FSTL5: variants seen among roughly 807,000 people sequenced by gnomAD.
FSTL5 encodes the protein follistatin like 5.
Under a neutral mutation model 89.1 loss-of-function variants are expected in FSTL5, and 62 were observed. That is an observed-to-expected ratio of 0.70 (90% CI 0.57 to 0.86). The LOEUF is 0.86. Among genes scored for constraint, FSTL5 ranks in the 40% least tolerant of loss-of-function variants. FSTL5 has a pLI of 0.00. For missense variants in FSTL5, 1,057 were observed against 1,001.6 expected (o/e 1.06, Z -0.75); for synonymous variants, 383 against 346.2 (o/e 1.11, Z -1.18).
intron 15 of FSTL5, among the ~76,000 whole-genome samples, chr4:161,447,000 C>A (rs1284327408): frequency 6.6e-6 from 1 of 151,840 alleles, no homozygotes; most frequent in Non-Finnish European, 1.5e-5. Context: ...ATTTGTATAC[C>A]ATAGCTGTCT....
chr4:161,850,308 C>T (rs1396000065), intron 4 of FSTL5, among the ~76,000 whole-genome samples: 2 of 151,990 alleles, frequency 1.3e-5, no homozygotes, highest in Non-Finnish European at 2.9e-5. Flanking sequence ...GTTGCAATGT[C>T]GAAAGGGAAG....
chr4:161,752,800 G>C (rs1205714427), intron 6 of FSTL5, among the ~76,000 whole-genome samples: 1 of 152,098 alleles, frequency 6.6e-6, no homozygotes, highest in Non-Finnish European at 1.5e-5. Context: ...CTAAAATAAC[G>C]TTAAGGTTTA....
chr4:161,631,077 T>C (rs1735488256), intron 7 of FSTL5, among the ~76,000 whole-genome samples: 1 of 152,224 alleles, frequency 6.6e-6, no homozygotes, highest in Non-Finnish European at 1.5e-5. Flanking sequence ...CATTTTTTTG[T>C]ATTGATTTAG....
intron 4 of FSTL5, among the ~76,000 whole-genome samples, chr4:161,834,329 A>G (rs1437288207): frequency 2.0e-5 from 3 of 152,094 alleles, no homozygotes; most frequent in Non-Finnish European, 4.4e-5. Context: ...TCTATGACAA[A>G]CCCACAGCCA....
chr4:161,438,222 A>AG (rs1560895177), intron 15 of FSTL5, among the ~76,000 whole-genome samples: 6 of 152,194 alleles, frequency 3.9e-5, no homozygotes, highest in African/African-American at 9.7e-5. Flanking sequence ...CTGTCTATAA[A>AG]AGTGAGATAA....
intron 3 of FSTL5, among the ~76,000 whole-genome samples, chr4:162,028,056 G>C (rs1053219831): frequency 6.6e-6 from 1 of 151,940 alleles, no homozygotes; most frequent in Admixed American, 6.6e-5. Flanking sequence ...AAACTTGTCT[G>C]ATGTTTATTC....
intron 14 of FSTL5, among the ~76,000 whole-genome samples, chr4:161,457,708 T>C (rs1182849142): frequency 6.6e-6 from 1 of 152,108 alleles, no homozygotes; most frequent in Non-Finnish European, 1.5e-5. Context: ...AATAGAGTAT[T>C]AAAATAATTT....
At chr4:161,398,062 G>A (rs1279746347) in intron 15 of FSTL5, among the ~76,000 whole-genome samples, 1 of 151,998 alleles carries the variant, frequency 6.6e-6, no homozygotes, top group Non-Finnish European at 1.5e-5. Flanking sequence ...TGGTAGAAAC[G>A]TAATTGTTTT....
chr4:161,485,328 T>C (rs1729640544), intron 12 of FSTL5, among the ~76,000 whole-genome samples: 1 of 152,220 alleles, frequency 6.6e-6, no homozygotes, highest in African/African-American at 2.4e-5. Flanking sequence ...AGACTTTAGT[T>C]TTCTGCTGTA....
intron 4 of FSTL5, among the ~76,000 whole-genome samples, chr4:161,892,410 A>G (rs1270665660): frequency 6.6e-6 from 1 of 152,058 alleles, no homozygotes; most frequent in African/African-American, 2.4e-5. Context: ...AATAAAACAG[A>G]GAAAAAGTTA....
intron 4 of FSTL5, among the ~76,000 whole-genome samples, chr4:161,909,514 C>T (rs552810518): frequency 1.4e-4 from 21 of 152,214 alleles, no homozygotes; most frequent in African/African-American, 4.3e-4. Context: ...TACACTACAC[C>T]AGCAGTCTTT....
At chr4:161,593,073 A>G (rs897161902) in intron 7 of FSTL5, among the ~76,000 whole-genome samples, 1 of 151,982 alleles carries the variant, frequency 6.6e-6, no homozygotes, top group Non-Finnish European at 1.5e-5. Flanking sequence ...TGGGTTTAGA[A>G]TTTTTCATGT....
chr4:162,113,824 C>T (rs536203321), intron 1 of FSTL5, among the ~76,000 whole-genome samples: 3 of 152,260 alleles, frequency 2.0e-5, no homozygotes, highest in Non-Finnish European at 2.9e-5. Context: ...GTTTTAGTTA[C>T]GCATTCCCAT....
At chr4:161,768,616 G>A (rs1741098719) in intron 5 of FSTL5, among the ~76,000 whole-genome samples, 1 of 151,844 alleles carries the variant, frequency 6.6e-6, no homozygotes. Context: ...TAAACCCACC[G>A]TCTATCTCTC....
At chr4:161,613,950 A>G (rs1426067408) in intron 7 of FSTL5, among the ~76,000 whole-genome samples, 2 of 150,192 alleles carry the variant, frequency 1.3e-5, no homozygotes, top group African/African-American at 4.8e-5. Flanking sequence ...TGTTTATTTT[A>G]TTTCGAATCA....
At chr4:161,838,813 C>A (rs892435583) in intron 4 of FSTL5, among the ~76,000 whole-genome samples, 7 of 151,860 alleles carry the variant, frequency 4.6e-5, no homozygotes, top group Non-Finnish European at 8.8e-5. Context: ...GAATACTCAT[C>A]AAAAGAAACC....
intron 6 of FSTL5, among the ~76,000 whole-genome samples, chr4:161,737,337 A>G (rs551376988): frequency 6.6e-6 from 1 of 152,180 alleles, no homozygotes; most frequent in East Asian, 1.9e-4. Flanking sequence ...ACTGAGGAAT[A>G]TACATGCAAT....
At chr4:161,535,196 C>A (rs958404000) in intron 10 of FSTL5, among the ~76,000 whole-genome samples, 1 of 151,854 alleles carries the variant, frequency 6.6e-6, no homozygotes, top group Admixed American at 6.6e-5. Flanking sequence ...CAAAAGCAAT[C>A]GCAACAGAAT....
chr4:161,571,962 A>G (rs909503803), intron 8 of FSTL5, among the ~76,000 whole-genome samples: 3 of 152,170 alleles, frequency 2.0e-5, no homozygotes, highest in African/African-American at 7.2e-5. Flanking sequence ...GAGACACAAT[A>G]AACGTATTTC....
Sources: gnomAD v4.1 joint callset for allele counts (sites outside exome capture counted in the v4.1 genomes callset) on GRCh38, gnomAD v4.1.1 for gene constraint, MANE v1.5 for transcripts, NCBI Gene and HGNC (gene_info 2026-07-23, HGNC 2026-07-21) for gene names.